Variants in MYLK4 observed in about 807,000 individuals in gnomAD.
MYLK4 encodes the protein caMLCK like.
MYLK4 carries 46 observed loss-of-function variants against 48.1 expected under a neutral mutation model. The observed-to-expected ratio is 0.96, with a 90% CI of 0.75 to 1.22. The LOEUF (loss-of-function observed/expected upper bound fraction) is 1.22, where lower values mean the gene tolerates loss of function less well. Among genes scored for constraint, MYLK4 ranks in the 50% most tolerant of loss-of-function variants. The probability of loss-of-function intolerance (pLI) is 0.00; values close to 1 mark genes in which losing one functional copy is unlikely to be tolerated. For missense variants in MYLK4, 451 were observed against 486.1 expected (o/e 0.93, Z 0.68); for synonymous variants, 170 against 180.8 (o/e 0.94, Z 0.48).
the MYLK4 span, chr6:2,765,970 A>G: frequency 2.0e-5 from 28 of 1,408,186 alleles, no homozygotes; most frequent in Non-Finnish European, 2.2e-5. Context: ...CGCCGCCCAC[A>G]CCCAGCGGCG....
intron 2 of MYLK4, among the ~76,000 whole-genome samples, chr6:2,694,866 GCC>G (rs1335113186): frequency 6.6e-6 from 1 of 152,004 alleles, no homozygotes; most frequent in Non-Finnish European, 1.5e-5. Flanking sequence ...GTCTACTTCA[GCC>G]AGTGCACCTA....
rs1074738 is a variant in MYLK4, at chr6:2,692,982, A to G, written c.160-123T>C. 5,800 of 876,322 alleles carry G rather than the reference A, an allele frequency of 6.6e-3. 223 individuals carry two copies. In the African/African-American group the frequency reaches 0.086, roughly 13 times the overall value. The allele number at this position is 876,322 out of a possible 1,614,324, so 54.3% of individuals were successfully genotyped here. On this transcript the variant is annotated intron_variant, in intron 2 of 12. Coordinates refer to ENST00000274643, the MANE Select transcript of MYLK4 (RefSeq NM_001012418.5). The stretch of plus-strand genomic sequence containing the variant: ...GGGAATGTCACGAGCATTACAGGAC[A>G]GCAGCATCACTGGCCTCTATCCACC...
chr6:2,696,238 C>T (rs1582059865), intron 2 of MYLK4, among the ~76,000 whole-genome samples: 1 of 152,162 alleles, frequency 6.6e-6, no homozygotes, highest in Admixed American at 6.5e-5. Context: ...GTGGGATATA[C>T]GTACCCAGGG....
chr6:2,675,423 T>C (rs576748084), intron 10 of MYLK4, among the ~76,000 whole-genome samples: 2 of 152,364 alleles, frequency 1.3e-5, no homozygotes, highest in South Asian at 4.1e-4. Flanking sequence ...CTGAGCTTAG[T>C]AAAGTGGATT....
rs533666288 is a variant in MYLK4 at position 2,685,860 on chromosome 6, G to A, written c.342-284C>T. ...CCGAGGCGGGAGGATCACGAGGTCA[G>A]GACCAGTCTGGCCAACATAGTGAAA... On this transcript the variant is annotated intron_variant, in intron 4 of 12. Coordinates refer to ENST00000274643, the MANE Select transcript of MYLK4 (RefSeq NM_001012418.5). The surrounding 1 kb of genome is among the most constrained non-coding windows in gnomAD (Gnocchi z 4.5). Among the ~76,000 whole-genome samples, 28 of 151,946 alleles carry A rather than the reference G, an allele frequency of 1.8e-4. No individual in the cohort carries two copies. The highest frequency in any genetic ancestry group is 4.0e-4 in the Non-Finnish European group (27 of 67,974).
intron 2 of MYLK4, among the ~76,000 whole-genome samples, chr6:2,730,249 C>T (rs544572768): frequency 2.1e-4 from 32 of 152,296 alleles, no homozygotes; most frequent in Middle Eastern, 3.4e-3. Context: ...CAACAGGGCA[C>T]GTAGAAGGAT....
intron 7 of MYLK4, among the ~76,000 whole-genome samples, chr6:2,681,415 G>C (rs1362440183): frequency 1.3e-5 from 2 of 152,144 alleles, no homozygotes; most frequent in Non-Finnish European, 2.9e-5. Context: ...TATAGAGAAG[G>C]GGGTGCTACG....
At chr6:2,728,274 C>T (rs537659345) in intron 2 of MYLK4, among the ~76,000 whole-genome samples, 24 of 152,280 alleles carry the variant, frequency 1.6e-4, no homozygotes, top group Admixed American at 7.2e-4. Flanking sequence ...AGGTGTTTTT[C>T]GTATGTAAGA....
chr6:2,705,282 G>A (rs974678737), intron 2 of MYLK4, among the ~76,000 whole-genome samples: 4 of 152,200 alleles, frequency 2.6e-5, no homozygotes, highest in African/African-American at 9.7e-5. Flanking sequence ...CATGGAAATC[G>A]TTCTACTGAG....
intron 2 of MYLK4, among the ~76,000 whole-genome samples, chr6:2,698,301 T>C (rs1423460220): frequency 6.6e-6 from 1 of 152,158 alleles, no homozygotes; most frequent in Non-Finnish European, 1.5e-5. Flanking sequence ...CAGGCTCAAG[T>C]GTTGGTCTTT....
At chr6:2,743,223 G>T (rs932028387) in intron 2 of MYLK4, among the ~76,000 whole-genome samples, 1 of 152,182 alleles carries the variant, frequency 6.6e-6, no homozygotes, top group Non-Finnish European at 1.5e-5. Flanking sequence ...CAATGATTCA[G>T]ACTGTTTTCC....
At chr6:2,766,172 G>A in the MYLK4 span, 1 of 1,345,442 alleles carries the variant, frequency 7.4e-7, no homozygotes, top group Admixed American at 3.9e-5. Context: ...GGACGGCGAG[G>A]ACGACCCGGG....
upstream of MYLK4, among the ~76,000 whole-genome samples, chr6:2,751,841 TTTTA>T (rs1393336711): frequency 1.3e-5 from 2 of 152,256 alleles, no homozygotes. Context: ...GCAAAATCTT[TTTTA>T]AAACACAAAA....
At chr6:2,714,509 C>T (rs1284906887) in intron 2 of MYLK4, among the ~76,000 whole-genome samples, 1 of 152,236 alleles carries the variant, frequency 6.6e-6, no homozygotes, top group Admixed American at 6.5e-5. Flanking sequence ...ACTAACGTCA[C>T]TGGCTCATCC....
At chr6:2,695,907 C>A (rs1232216577) in intron 2 of MYLK4, among the ~76,000 whole-genome samples, 1 of 152,212 alleles carries the variant, frequency 6.6e-6, no homozygotes, top group Non-Finnish European at 1.5e-5. Flanking sequence ...GACCAGTGCT[C>A]TTAAGCATTA....
the MYLK4 span, among the ~76,000 whole-genome samples, chr6:2,765,014 G>A: frequency 6.6e-6 from 1 of 152,102 alleles, no homozygotes; most frequent in Non-Finnish European, 1.5e-5. Context: ...TGTCCCCACA[G>A]GCCCATTCAA....
At chr6:2,770,318 C>T in the MYLK4 span, 5 of 1,614,138 alleles carry the variant, frequency 3.1e-6, no homozygotes, top group Non-Finnish European at 3.4e-6. Context: ...AGACTCTAGC[C>T]GTCCCACTGA....
At chr6:2,741,816 C>A (rs544451265) in intron 2 of MYLK4, among the ~76,000 whole-genome samples, 1 of 152,218 alleles carries the variant, frequency 6.6e-6, no homozygotes, top group Non-Finnish European at 1.5e-5. Flanking sequence ...AATTAACTCA[C>A]ACAACTTGTT....
chr6:2,735,020 C>A (rs1363387729), intron 2 of MYLK4, among the ~76,000 whole-genome samples: 1 of 152,212 alleles, frequency 6.6e-6, no homozygotes, highest in Non-Finnish European at 1.5e-5. Flanking sequence ...CATAAAACAG[C>A]ACCTGTCAAA....
Sources: gnomAD v4.1 joint callset for allele counts (sites outside exome capture counted in the v4.1 genomes callset) on GRCh38, gnomAD v4.1.1 for gene constraint, Gnocchi (gnomAD v3.1) non-coding constraint, MANE v1.5 for transcripts, NCBI Gene and HGNC (gene_info 2026-07-23, HGNC 2026-07-21) for gene names.